The following FAM149A variants were observed in gnomAD, a reference collection of about 807,000 sequenced individuals.
FAM149A encodes the protein protein FAM149A.
A neutral mutation model predicts 78.2 loss-of-function variants in FAM149A; 71 were observed. The ratio of observed to expected loss-of-function variants is 0.91; its 90% CI spans 0.75 to 1.11. The LOEUF is 1.11. Ranked by LOEUF, FAM149A falls within the 50% of genes least tolerant of loss-of-function variation. The probability of loss-of-function intolerance (pLI) is 0.00; values close to 1 mark genes in which losing one functional copy is unlikely to be tolerated. For missense variants in FAM149A, 1,036 were observed against 971.0 expected, an observed-to-expected ratio of 1.07 and a Z score of -0.89; for synonymous variants, 446 against 410.5, an observed-to-expected ratio of 1.09 and a Z score of -1.04.
chr4:186,164,596 C>T lies in FAM149A; in HGVS notation c.1890-748C>T, dbSNP rs998723817. 7 of 567,072 alleles carry T rather than the reference C, an allele frequency of 1.2e-5. No individual in the cohort carries two copies. The highest frequency in any genetic ancestry group is 8.2e-5 in the African/African-American group (4 of 49,042). 35.1% of individuals were successfully genotyped at this position (567,072 alleles called of 1,614,324 possible). On this transcript the variant is annotated intron_variant, in intron 10 of 13. Transcript: ENST00000389354. This position sits in a 1 kb window ranked among gnomAD's most constrained non-coding sequence, Gnocchi z 4.0. The stretch of plus-strand genomic sequence containing the variant: ...GTTGGGTCTGCTGTGCTGATTCCTT[C>T]GAGATCCCTCTCCCTCCTCCGCCTC...
Position 186,172,013 on chromosome 4 carries a change from C to A in FAM149A, c.*26C>A, listed in dbSNP as rs750219893. On this transcript the variant is annotated 3_prime_UTR_variant, in exon 14 of 14. Transcript: ENST00000389354. ...AACCACCTCACCAGAACCATTGGAG[C>A]ACCTGTGGCCTCGGCACACTGCTTA... The A allele has an allele frequency of 6.2e-7, 1 of 1,607,058 alleles. No homozygotes were observed. Among genetic ancestry groups the A allele is most frequent in the Non-Finnish European group, 8.5e-7 (1 of 1,177,028 alleles).
In FAM149A at chr4:186,173,393, C is replaced by G. The variant is rs187979282; in HGVS notation, c.*1406C>G. Among the ~76,000 whole-genome samples, 211 of 110,754 alleles carry G rather than the reference C, an allele frequency of 1.9e-3. 35 individuals are homozygous for G. The highest frequency in any genetic ancestry group is 5.8e-3 in the African/African-American group (206 of 35,314). 72.7% of individuals were successfully genotyped at this position (110,754 alleles called of 152,430 possible). On this transcript the variant is annotated 3_prime_UTR_variant, in exon 14 of 14. Transcript: ENST00000389354. ...TTTGAAACGGAGTCTGGCTCTGTGG[C>G]CCCGGCTGGAGTGCAGTGGCACGAT...
In FAM149A at chr4:186,149,673, A is replaced by C. The variant is rs1167907457; in HGVS notation, c.758A>C (p.Glu253Ala). 5.4e-6 allele frequency: 7 copies of C among 1,289,194 alleles called. No homozygotes were observed. The East Asian group carries it at 3.9e-4, about 72-fold the overall frequency. The allele number at this position is 1,289,194 out of a possible 1,614,324, so 79.9% of individuals were successfully genotyped here. The change falls in exon 3 of 14, where the codon GAG (glutamate) becomes GCG (alanine). Residue 253 changes from glutamate (E) to alanine (A), a missense_variant. Glu to Ala is a moderately radical substitution (Grantham distance 107). Around this residue, in one of 3 missense-constraint regions of FAM149A, gnomAD observed 716 missense variants for 711.8 expected, o/e 1.01. Coordinates refer to ENST00000389354, the MANE Select transcript of FAM149A (RefSeq NM_001367768.3). The stretch of plus-strand genomic sequence containing the variant: ...AGCTCTACCACCGGCTCATCCACGG[A>C]GAGGGGCTCCGTTTATTCCTGGAGA...
At chr4:186,122,513 G>C (rs1286661140) in intron 1 of FAM149A, among the ~76,000 whole-genome samples, 1 of 152,188 alleles carries the variant, frequency 6.6e-6, no homozygotes, top group Admixed American at 6.5e-5. Flanking sequence ...GGGATCAGTA[G>C]AGTGTCATGA....
In FAM149A at chr4:186,149,254, T is replaced by C. The variant is rs907157162; in HGVS notation, c.648T>C (p.Asn216=). The C allele has an allele frequency of 2.2e-5, 29 of 1,289,182 alleles. No individual in the cohort carries two copies. The highest frequency in any genetic ancestry group is 4.6e-5 in the Admixed American group (2 of 43,442). The allele number at this position is 1,289,182 out of a possible 1,614,324, so 79.9% of individuals were successfully genotyped here. The change falls in exon 2 of 14, where the codon AAT becomes AAC. Residue 216 remains asparagine, a synonymous_variant. Transcript: ENST00000389354. ...CTTTACCTACGCATTTTACAAGAAA[T>C]GTGCAGAAAGCCATTGATAAATATA...
intron 8 of FAM149A, among the ~76,000 whole-genome samples, chr4:186,161,918 T>C (rs1734637649): frequency 6.6e-6 from 1 of 152,234 alleles, no homozygotes; most frequent in African/African-American, 2.4e-5. Context: ...ATTTTTAATT[T>C]ACTTTAAGTT....
chr4:186,125,830 TACGAG>T (rs1271141440), intron 1 of FAM149A: 1 of 979,772 alleles, frequency 1.0e-6, no homozygotes, highest in African/African-American at 1.9e-5. Flanking sequence ...CAAAAAGAAA[TACGAG>T]GTAGGGATGA....
At chr4:186,158,545 G>A (rs544773032) in intron 8 of FAM149A, 2 of 932,802 alleles carry the variant, frequency 2.1e-6, no homozygotes, top group East Asian at 1.5e-4. Context: ...TGCAGCTGTG[G>A]CCAAGGGGGA....
At position 186,105,457 on chromosome 4, in the gene FAM149A, G is replaced by C. The variant is rs575756168; in HGVS notation, c.381G>C (p.Ala127=). Reference sequence around the variant, plus strand: ...CCCCTGCTCGCCTGGTGGTCCCAGCGCGGCCGCCCTCGGGCCCCGGCGGGG... The same window carrying C: ...CCCCTGCTCGCCTGGTGGTCCCAGCCCGGCCGCCCTCGGGCCCCGGCGGGG... The change falls in exon 1 of 14, where the codon GCG becomes GCC. Residue 127 remains alanine (A), a synonymous_variant. Transcript: ENST00000389354. 5,486 of 1,214,948 alleles carry C rather than the reference G, an allele frequency of 4.5e-3. 13 individuals carry two copies. Among genetic ancestry groups the C allele is most frequent in the Non-Finnish European group, 5.2e-3 (4,968 of 958,278 alleles). The allele number at this position is 1,214,948 out of a possible 1,614,324, so 75.3% of individuals were successfully genotyped here.
chr4:186,111,188 G>A (rs1419447000), intron 1 of FAM149A, among the ~76,000 whole-genome samples: 2 of 150,076 alleles, frequency 1.3e-5, no homozygotes, highest in East Asian at 3.9e-4. Context: ...CTGCATAAAT[G>A]TCTTCTTTTG....
At chr4:186,117,022 G>A (rs1273297035) in intron 1 of FAM149A, among the ~76,000 whole-genome samples, 1 of 152,020 alleles carries the variant, frequency 6.6e-6, no homozygotes, top group Non-Finnish European at 1.5e-5. Context: ...ATTCACATTG[G>A]CTACCTAACC....
chr4:186,105,459 G>T lies in FAM149A; in HGVS notation c.383G>T (p.Arg128Leu). The T allele has an allele frequency of 3.3e-6, 4 of 1,214,578 alleles. No individual in the cohort carries two copies. Among genetic ancestry groups the T allele is most frequent in the East Asian group, 9.2e-5 (1 of 10,868 alleles). The allele number at this position is 1,214,578 out of a possible 1,614,324, so 75.2% of individuals were successfully genotyped here. The change falls in exon 1 of 14, where the codon CGG becomes CTG. Residue 128 changes from arginine (R) to leucine (L), a missense_variant. Arg to Leu is a moderately radical substitution (Grantham distance 102). Coordinates refer to ENST00000389354, the MANE Select transcript of FAM149A (RefSeq NM_001367768.3). ...CCTGCTCGCCTGGTGGTCCCAGCGC[G>T]GCCGCCCTCGGGCCCCGGCGGGGTC...
chr4:186,131,358 AG>A (rs2099320656), intron 1 of FAM149A, among the ~76,000 whole-genome samples: 1 of 147,286 alleles, frequency 6.8e-6, no homozygotes, highest in Non-Finnish European at 1.5e-5. Context: ...AAAAAAAAAA[AG>A]AGGAAGACAG....
At chr4:186,106,878 AG>A (rs1297605153) in intron 1 of FAM149A, among the ~76,000 whole-genome samples, 1 of 152,150 alleles carries the variant, frequency 6.6e-6, no homozygotes, top group Non-Finnish European at 1.5e-5. Context: ...TGAACCCGGG[AG>A]GCGGAGCTTG....
chr4:186,120,862 T>TTC (rs1183776674), intron 1 of FAM149A, among the ~76,000 whole-genome samples: 1 of 139,798 alleles, frequency 7.2e-6, no homozygotes, highest in African/African-American at 2.6e-5. Context: ...TTTTTTTTTT[T>TTC]TTTTCTTTTG....
intron 1 of FAM149A, chr4:186,146,664 T>C (rs993600884): frequency 2.4e-5 from 17 of 716,136 alleles, no homozygotes; most frequent in South Asian, 6.3e-5. Flanking sequence ...ATAGACCGTC[T>C]TGAGCAGAGC....
intron 1 of FAM149A, chr4:186,132,059 TC>T (rs1314930615): frequency 2.8e-5 from 28 of 985,296 alleles, no homozygotes; most frequent in Non-Finnish European, 3.1e-5. Context: ...ACAAAATAGC[TC>T]CATATTAAAG....
chr4:186,112,045 A>G (rs1302090784), intron 1 of FAM149A, among the ~76,000 whole-genome samples: 1 of 145,390 alleles, frequency 6.9e-6, no homozygotes, highest in African/African-American at 2.6e-5. Flanking sequence ...ATGTTCTTCC[A>G]TTTGTTTGTA....
At position 186,165,989 on chromosome 4, in the gene FAM149A, G is replaced by A. The variant is rs543918237; in HGVS notation, c.2010+525G>A. Among the ~76,000 whole-genome samples, 17 of 152,274 alleles carry A rather than the reference G, an allele frequency of 1.1e-4. No homozygotes were observed. The South Asian group carries it at 3.1e-3, about 28-fold the overall frequency. On this transcript the variant is annotated intron_variant, in intron 11 of 13. Coordinates refer to ENST00000389354, the MANE Select transcript of FAM149A (RefSeq NM_001367768.3). Reference sequence around the variant, plus strand: ...AATTAGGACCCTGGTCATTTCTATCGGTCATTTTTACAGCTAACCTTTGCT... The same window carrying A: ...AATTAGGACCCTGGTCATTTCTATCAGTCATTTTTACAGCTAACCTTTGCT...
Sources: allele counts gnomAD v4.1 joint callset (sites outside exome capture counted in the v4.1 genomes callset), GRCh38; gene constraint gnomAD v4.1.1; regional missense constraint gnomAD v4.1.1; non-coding constraint Gnocchi (gnomAD v3.1); transcripts MANE v1.5; gene names NCBI Gene and HGNC (gene_info 2026-07-23, HGNC 2026-07-21).